Variants in NSL1 observed in about 807,000 individuals in gnomAD.
NSL1 encodes the protein NSL1 component of MIS12 kinetochore complex, also known as kinetochore-associated protein NSL1 homolog.
Under a neutral mutation model 25.4 loss-of-function variants are expected in NSL1, and 11 were observed. The ratio of observed to expected loss-of-function variants is 0.43; its 90% CI spans 0.27 to 0.72. The LOEUF (loss-of-function observed/expected upper bound fraction) is 0.72. Ranked by LOEUF, NSL1 falls within the 30% of genes least tolerant of loss-of-function variation. The pLI is 0.19. For missense variants in NSL1, 330 were observed against 342.7 expected, an observed-to-expected ratio of 0.96 and a Z score of 0.29; for synonymous variants, 118 against 120.6, an observed-to-expected ratio of 0.98 and a Z score of 0.14.
chr1:212,754,050 T>C (rs1173640829), intron 4 of NSL1, among the ~76,000 whole-genome samples: 1 of 151,976 alleles, frequency 6.6e-6, no homozygotes, highest in Non-Finnish European at 1.5e-5. Context: ...TCTGGAGAGG[T>C]AGGTAGGGGC....
rs1443281498 is a variant in NSL1 at position 212,731,579 on chromosome 1, C to A, written c.*6829G>T. On this transcript the variant is annotated 3_prime_UTR_variant, in exon 6 of 6. Transcript: ENST00000366977. ...AAAATCAAATCTATGAGGCTTCTAT[C>A]AAAAATTATCAGTCCCTGGCCCAGT... The A allele has an allele frequency of 2.0e-6, 2 of 985,282 alleles. No individual in the cohort carries two copies. The highest frequency in any genetic ancestry group is 3.5e-5 in the African/African-American group (2 of 57,220). The allele number at this position is 985,282 out of a possible 1,614,324, so 61.0% of individuals were successfully genotyped here.
Position 212,730,180 on chromosome 1 carries a change from G to A in NSL1, c.*8228C>T. On this transcript the variant is annotated 3_prime_UTR_variant, in exon 6 of 6. Coordinates refer to ENST00000366977, the MANE Select transcript of NSL1 (RefSeq NM_015471.4). ...CATGAGAACCTCTTGAACCTGGGAG[G>A]TGGAGGTTGCAGTGAGTTGAGATCG... is the stretch of plus-strand genomic sequence containing the variant. 1 of 942,966 alleles carries A rather than the reference G, an allele frequency of 1.1e-6. No homozygotes were observed. The highest frequency in any genetic ancestry group is 1.3e-6 in the Non-Finnish European group (1 of 794,236). 58.4% of individuals were successfully genotyped at this position (942,966 alleles called of 1,614,324 possible). A position where few individuals can be genotyped will look rare whatever the true frequency, so the allele number is the denominator to read the frequency against.
chr1:212,743,397 T>C (rs979665335), intron 4 of NSL1, among the ~76,000 whole-genome samples: 11 of 151,892 alleles, frequency 7.2e-5, no homozygotes, highest in Non-Finnish European at 1.6e-4. Flanking sequence ...TCTCTTGACC[T>C]TGTGATCCGC....
Position 212,729,148 on chromosome 1 carries a change from A to G in NSL1, c.*9260T>C. The stretch of plus-strand genomic sequence containing the variant: ...GTTCCATCGTAGTTTCTAAAACCAG[A>G]CAAAATCATTTCTTGCAAGCAGGTA... On this transcript the variant is annotated 3_prime_UTR_variant, in exon 6 of 6. Coordinates refer to ENST00000366977, the MANE Select transcript of NSL1 (RefSeq NM_015471.4). The G allele has an allele frequency of 2.0e-6, 2 of 985,472 alleles. No homozygotes were observed. Among genetic ancestry groups the G allele is most frequent in the Non-Finnish European group, 2.4e-6 (2 of 829,944 alleles). The allele number at this position is 985,472 out of a possible 1,614,324, so 61.0% of individuals were successfully genotyped here.
intron 4 of NSL1, among the ~76,000 whole-genome samples, chr1:212,743,081 A>T (rs1472710818): frequency 6.6e-6 from 1 of 152,236 alleles, no homozygotes; most frequent in African/African-American, 2.4e-5. Flanking sequence ...CCTTAGGAAA[A>T]AACAGGTATG....
intron 3 of NSL1, 161 bp downstream of exon 3, chr1:212,784,202 A>G (rs1260867914): frequency 4.3e-6 from 2 of 459,902 alleles, no homozygotes; most frequent in Middle Eastern, 6.0e-4. Flanking sequence ...ATGTCATAGT[A>G]CAACTTAGAA....
At position 212,738,374 on chromosome 1, in the gene NSL1, C is replaced by A; in HGVS notation, c.*34G>T. On this transcript the variant is annotated 3_prime_UTR_variant, in exon 6 of 6. Transcript: ENST00000366977. ...GGCTGTAATCTAAATGTTGATGGTGCCTATTTTCAACTCCCAAAATAAACA... is the reference window on the plus strand; with the variant it reads ...GGCTGTAATCTAAATGTTGATGGTGACTATTTTCAACTCCCAAAATAAACA... The A allele has an allele frequency of 6.3e-7, 1 of 1,577,206 alleles. No individual in the cohort carries two copies. Among genetic ancestry groups the A allele is most frequent in the African/African-American group, 1.4e-5 (1 of 73,110 alleles).
In NSL1 at chr1:212,726,817, A is replaced by G; in HGVS notation, c.*11591T>C. 1 of 264,818 alleles carries G rather than the reference A, an allele frequency of 3.8e-6. No homozygotes were observed. Among genetic ancestry groups the G allele is most frequent in the Non-Finnish European group, 7.2e-6 (1 of 139,722 alleles). The allele number at this position is 264,818 out of a possible 1,614,324, so 16.4% of individuals were successfully genotyped here. On this transcript the variant is annotated 3_prime_UTR_variant, in exon 6 of 6. Coordinates refer to ENST00000366977, the MANE Select transcript of NSL1 (RefSeq NM_015471.4). Reference sequence around the variant, plus strand: ...CGGTGGGGTCCTCCCACAATCCTCCATGTGGCACGTGGGGATCTCCAAATG... The same window carrying G: ...CGGTGGGGTCCTCCCACAATCCTCCGTGTGGCACGTGGGGATCTCCAAATG...
At chr1:212,748,522 CA>C (rs1418401689) in intron 4 of NSL1, among the ~76,000 whole-genome samples, 1 of 152,056 alleles carries the variant, frequency 6.6e-6, no homozygotes, top group Non-Finnish European at 1.5e-5. Context: ...TACTACACAA[CA>C]ATAACAAAGA....
At position 212,736,032 on chromosome 1, in the gene NSL1, T is replaced by C. The variant is rs991402908; in HGVS notation, c.*2376A>G. On this transcript the variant is annotated 3_prime_UTR_variant, in exon 6 of 6. Coordinates refer to ENST00000366977, the MANE Select transcript of NSL1 (RefSeq NM_015471.4). ...TTCTTTGGGACTAGACTTAACCTTC[T>C]TGTGTTCTTCTTATTATTATTTTGA... The C allele has an allele frequency of 1.0e-6, 1 of 985,408 alleles. No homozygotes were observed. The highest frequency in any genetic ancestry group is 1.2e-6 in the Non-Finnish European group (1 of 829,920). The allele number at this position is 985,408 out of a possible 1,614,324, so 61.0% of individuals were successfully genotyped here. A position where few individuals can be genotyped will look rare whatever the true frequency, so the allele number is the denominator to read the frequency against.
At chr1:212,780,517 GAAA>G (rs35100292) in intron 4 of NSL1, among the ~76,000 whole-genome samples, 4 of 133,094 alleles carry the variant, frequency 3.0e-5, no homozygotes, top group African/African-American at 1.1e-4. Flanking sequence ...AAAAAAAAAG[GAAA>G]AAAAAAAAAG....
intron 4 of NSL1, among the ~76,000 whole-genome samples, chr1:212,764,843 CAAAAAAAAAAAAAAAAAA>C (rs3086471): frequency 2.6e-5 from 1 of 38,864 alleles, no homozygotes; most frequent in Non-Finnish European, 4.0e-5. Context: ...AAGACTGTCT[CAAAAAAAAAAAAAAAAAA>C]AAAAAAAAAA....
intron 4 of NSL1, among the ~76,000 whole-genome samples, chr1:212,778,968 G>C (rs1202524852): frequency 1.3e-5 from 2 of 150,986 alleles, no homozygotes; most frequent in African/African-American, 2.4e-5. Context: ...GCCTCTTCCC[G>C]GCCGCCATCC....
At chr1:212,757,504 A>T (rs959354754) in intron 4 of NSL1, among the ~76,000 whole-genome samples, 1 of 152,224 alleles carries the variant, frequency 6.6e-6, no homozygotes, top group Non-Finnish European at 1.5e-5. Context: ...CAGGCTGTAC[A>T]AGCATAGCAC....
rs529453911 is a variant in NSL1 at position 212,791,455 on chromosome 1, A to T, written c.234+75T>A. On this transcript the variant is annotated intron_variant, in intron 1 of 5. Coordinates refer to ENST00000366977, the MANE Select transcript of NSL1 (RefSeq NM_015471.4). ...TAATTCTGCCAAGGCCTGGCGTGGG[A>T]TCTTTCTGAATCCTAAGATCCTGGG... The T allele has an allele frequency of 2.2e-6, 3 of 1,356,932 alleles. No homozygotes were observed. In the African/African-American group the frequency reaches 4.3e-5, roughly 20 times the overall value. 84.1% of individuals were successfully genotyped at this position (1,356,932 alleles called of 1,614,324 possible).
At chr1:212,774,473 G>T (rs1263428754) in intron 4 of NSL1, among the ~76,000 whole-genome samples, 1 of 152,108 alleles carries the variant, frequency 6.6e-6, no homozygotes, top group East Asian at 1.9e-4. Context: ...AATACATAAA[G>T]AACCAGTATA....
At position 212,735,094 on chromosome 1, in the gene NSL1, AC is replaced by A. The variant is rs1353255493; in HGVS notation, c.*3313del. Among the ~76,000 whole-genome samples, 2 of 152,366 alleles carry A rather than the reference AC, an allele frequency of 1.3e-5. No homozygotes were observed. The highest frequency in any genetic ancestry group is 4.8e-5 in the African/African-American group (2 of 41,592). On this transcript the variant is annotated 3_prime_UTR_variant, in exon 6 of 6. Transcript: ENST00000366977. ...AACTGCAGCATAGACAGGTTATGTA[AC>A]TTGCCCAATGTCACTGAACTAATAA...
chr1:212,736,927 C>A lies in NSL1; in HGVS notation c.*1481G>T, dbSNP rs377133062. Reference sequence around the variant, plus strand: ...TCAAAATGCAAGTAGCTTATATAATCTAATAGAATTAACAATAACTCTTTT... The same window carrying A: ...TCAAAATGCAAGTAGCTTATATAATATAATAGAATTAACAATAACTCTTTT... On this transcript the variant is annotated 3_prime_UTR_variant, in exon 6 of 6. Transcript: ENST00000366977. 6.1e-6 allele frequency: 6 copies of A among 983,548 alleles called. No individual in the cohort carries two copies. In the East Asian group the frequency reaches 3.4e-4, roughly 56 times the overall value. The allele number at this position is 983,548 out of a possible 1,614,324, so 60.9% of individuals were successfully genotyped here.
chr1:212,727,753 T>A lies in NSL1; in HGVS notation c.*10655A>T. On this transcript the variant is annotated 3_prime_UTR_variant, in exon 6 of 6. Transcript: ENST00000366977. ...AAGAAATTAACAGCAAAAGTTCATA[T>A]TTAACCTCATTAAGATAATAAATTG... The A allele has an allele frequency of 1.0e-6, 1 of 984,402 alleles. No homozygotes were observed. Among genetic ancestry groups the A allele is most frequent in the Non-Finnish European group, 1.2e-6 (1 of 828,992 alleles). The allele number at this position is 984,402 out of a possible 1,614,324, so 61.0% of individuals were successfully genotyped here.
Sources: gnomAD v4.1 joint callset for allele counts (sites outside exome capture counted in the v4.1 genomes callset) on GRCh38, gnomAD v4.1.1 for gene constraint, MANE v1.5 for transcripts, NCBI Gene and HGNC (gene_info 2026-07-23, HGNC 2026-07-21) for gene names.